DCDC1: variants seen among roughly 807,000 people sequenced by gnomAD.
The protein encoded by DCDC1 is doublecortin domain containing 1.
A neutral mutation model predicts 178.3 loss-of-function variants in DCDC1; 200 were observed. The observed-to-expected ratio is 1.12, with a 90% CI of 1.00 to 1.26. The LOEUF (loss-of-function observed/expected upper bound fraction) is 1.26, where lower values mean the gene tolerates loss of function less well. Ranked by LOEUF, DCDC1 falls within the 50% of genes most tolerant of loss-of-function variation. The pLI, the probability that DCDC1 is intolerant of heterozygous loss-of-function variation, is 0.00. For synonymous variants in DCDC1, 690 were observed against 604.8 expected (o/e 1.14, Z -2.07); for missense variants, 1,983 against 1,749.2 (o/e 1.13, Z -2.38).
chr11:31,096,562 T>C (rs1016017839), intron 15 of DCDC1, among the ~76,000 whole-genome samples: 2 of 152,174 alleles, frequency 1.3e-5, no homozygotes, highest in Non-Finnish European at 2.9e-5. Flanking sequence ...AAGGGGTCCT[T>C]TGTCTCTGCC....
intron 36 of DCDC1, chr11:30,882,049 G>A (rs1942730850): frequency 6.5e-6 from 1 of 153,630 alleles, no homozygotes; most frequent in Admixed American, 6.6e-5. Flanking sequence ...ATACCTGCCT[G>A]TATGGCTTTC....
At chr11:31,099,843 C>G (rs534881631) in intron 15 of DCDC1, among the ~76,000 whole-genome samples, 16 of 151,978 alleles carry the variant, frequency 1.1e-4, no homozygotes, top group South Asian at 6.2e-4. Flanking sequence ...CTCAGCCTCC[C>G]AAGTAGCTGG....
chr11:30,906,692 T>C lies in DCDC1; in HGVS notation c.3952A>G (p.Lys1318Glu). Residue 1318 changes from lysine to glutamate, a missense_variant, in exon 30 of 39, where the codon AAA becomes GAA. Transcript: ENST00000684477. ...YCYLSPDGKR[K>E]TMLCLACGQS... ...CCACAAGCCAAGCAGAGCATAGTTT[T>C]TCTCTTTCCATCAGGTGAGAGATAA... 1 of 1,613,568 alleles carries C rather than the reference T, an allele frequency of 6.2e-7. No homozygotes were observed. Among genetic ancestry groups the C allele is most frequent in the African/African-American group, 1.3e-5 (1 of 75,034 alleles).
At chr11:31,304,897 T>C (rs1407665191) in intron 6 of DCDC1, among the ~76,000 whole-genome samples, 6 of 152,126 alleles carry the variant, frequency 3.9e-5, no homozygotes, top group Non-Finnish European at 7.4e-5. Context: ...TACAACATGC[T>C]TGGAAGAATA....
At chr11:31,077,323 C>A (rs996622706) in intron 18 of DCDC1, among the ~76,000 whole-genome samples, 54 of 152,064 alleles carry the variant, frequency 3.6e-4, no homozygotes, top group African/African-American at 1.2e-3. Context: ...ATTTGCCAAC[C>A]CTGCCATATA....
intron 6 of DCDC1, among the ~76,000 whole-genome samples, 167 bp downstream of exon 6, chr11:31,305,448 T>C (rs894542399): frequency 1.3e-5 from 2 of 152,176 alleles, no homozygotes; most frequent in Admixed American, 6.6e-5. Flanking sequence ...TGGCTGTCAG[T>C]GGATTTTTCT....
intron 38 of DCDC1, among the ~76,000 whole-genome samples, chr11:30,874,675 A>G (rs74433591): frequency 0.015 from 2,221 of 152,212 alleles, 56 homozygotes; most frequent in African/African-American, 0.051. Flanking sequence ...CCCTTCAGGA[A>G]ATTTCCTTTA....
chr11:31,239,650 G>T (rs949135490), intron 9 of DCDC1, among the ~76,000 whole-genome samples: 1 of 151,816 alleles, frequency 6.6e-6, no homozygotes, highest in African/African-American at 2.4e-5. Context: ...AAAAGCTTTA[G>T]GAGAAATGGC....
At chr11:31,229,403 TA>T (rs1399907733) in intron 9 of DCDC1, among the ~76,000 whole-genome samples, 2 of 152,108 alleles carry the variant, frequency 1.3e-5, no homozygotes, top group Non-Finnish European at 2.9e-5. Context: ...TAATACATAA[TA>T]TATATGTAAA....
chr11:31,308,755 G>T (rs904667007), intron 3 of DCDC1, among the ~76,000 whole-genome samples: 8 of 152,154 alleles, frequency 5.3e-5, no homozygotes, highest in African/African-American at 1.9e-4. Flanking sequence ...ATACCGGTAT[G>T]ATAAAATAAA....
At chr11:31,057,250 A>T (rs1251990258) in intron 20 of DCDC1, among the ~76,000 whole-genome samples, 2 of 131,366 alleles carry the variant, frequency 1.5e-5, no homozygotes, top group Non-Finnish European at 3.2e-5. Flanking sequence ...AAGAAAAGAA[A>T]GGAAGGAAGG....
intron 20 of DCDC1, among the ~76,000 whole-genome samples, chr11:30,956,827 A>AGGT (rs1238691028): frequency 6.6e-6 from 1 of 152,066 alleles, no homozygotes; most frequent in Non-Finnish European, 1.5e-5. Flanking sequence ...CACAAACCTC[A>AGGT]AGTGGACCCT....
intron 9 of DCDC1, among the ~76,000 whole-genome samples, chr11:31,142,321 C>G (rs923846375): frequency 6.6e-6 from 1 of 152,060 alleles, no homozygotes; most frequent in African/African-American, 2.4e-5. Flanking sequence ...TACCTGTCCA[C>G]AAAAATGAAT....
intron 9 of DCDC1, among the ~76,000 whole-genome samples, chr11:31,214,534 T>G (rs956791871): frequency 6.6e-6 from 1 of 152,124 alleles, no homozygotes; most frequent in African/African-American, 2.4e-5. Context: ...GGGAGGTGCC[T>G]CCTGACCACG....
At chr11:31,049,309 A>C (rs116608340) in intron 20 of DCDC1, among the ~76,000 whole-genome samples, 136 of 152,318 alleles carry the variant, frequency 8.9e-4, no homozygotes, top group African/African-American at 3.1e-3. Context: ...TCAGATTTTC[A>C]CTAGTGATGG....
At chr11:30,963,669 G>T (rs1016232240) in intron 20 of DCDC1, among the ~76,000 whole-genome samples, 2 of 152,106 alleles carry the variant, frequency 1.3e-5, no homozygotes, top group Admixed American at 6.6e-5. Flanking sequence ...CACATGATAA[G>T]AATGGCACAG....
chr11:31,239,789 A>G (rs1030315467), intron 9 of DCDC1, among the ~76,000 whole-genome samples: 1 of 151,866 alleles, frequency 6.6e-6, no homozygotes, highest in Non-Finnish European at 1.5e-5. Flanking sequence ...TTAATAAAAT[A>G]TATTTTTCAT....
intron 20 of DCDC1, among the ~76,000 whole-genome samples, chr11:30,979,246 C>T (rs186821387): frequency 1.9e-4 from 29 of 152,278 alleles, no homozygotes; most frequent in Admixed American, 5.9e-4. Flanking sequence ...CAACAAGAAA[C>T]ACTTAAGGCA....
At position 30,903,596 on chromosome 11, in the gene DCDC1, G is replaced by A. The variant is rs761430464; in HGVS notation, c.4396C>T (p.Arg1466Cys). The change falls in exon 32 of 39, where the codon CGT becomes TGT. Residue 1466 changes from arginine to cysteine, a missense_variant. Physicochemically the swap from Arg to Cys is radical, Grantham distance 180. Coordinates refer to ENST00000684477, the MANE Select transcript of DCDC1 (RefSeq NM_001387274.1). ...TKDGTPIFTL[R>C]DLVLWALDES... is the part of the protein sequence containing the mutation. ...TCTAGAGCCCATAAAACCAAATCACGCAAGGTAAAGATTGGGGTTCCATCT... is the reference window on the plus strand; with the variant it reads ...TCTAGAGCCCATAAAACCAAATCACACAAGGTAAAGATTGGGGTTCCATCT... 24 of 1,610,278 alleles carry A rather than the reference G, an allele frequency of 1.5e-5. No individual in the cohort carries two copies. Among genetic ancestry groups the A allele is most frequent in the Middle Eastern group, 1.6e-4 (1 of 6,082 alleles).
Sources: allele counts gnomAD v4.1 joint callset (sites outside exome capture counted in the v4.1 genomes callset), GRCh38; gene constraint gnomAD v4.1.1; transcripts MANE v1.5; gene names NCBI Gene and HGNC (gene_info 2026-07-23, HGNC 2026-07-21).